The following ZBTB2 variants were observed in gnomAD, a reference collection of about 807,000 sequenced individuals.
ZBTB2 encodes zinc finger and BTB domain-containing protein 2.
Under a neutral mutation model 39.5 loss-of-function variants are expected in ZBTB2, and 2 were observed. That is an observed-to-expected ratio of 0.05 (90% CI 0.02 to 0.16). The LOEUF (loss-of-function observed/expected upper bound fraction) is 0.16. ZBTB2 is among the 10% of genes least tolerant of loss of function. ZBTB2 has a pLI of 1.00. For synonymous variants in ZBTB2, 251 were observed against 256.6 expected (o/e 0.98, Z 0.21); for missense variants, 391 against 653.0 (o/e 0.60, Z 4.37).
intron 1 of ZBTB2, among the ~76,000 whole-genome samples, chr6:151,374,097 G>C (rs1368253943): frequency 6.6e-6 from 1 of 151,906 alleles, no homozygotes. Context: ...AAATTCTAAT[G>C]ATGCATCAGA....
chr6:151,391,262 C>T (rs914862260), intron 1 of ZBTB2, among the ~76,000 whole-genome samples, 158 bp downstream of exon 1: 10 of 151,866 alleles, frequency 6.6e-5, no homozygotes, highest in Admixed American at 2.0e-4. Flanking sequence ...CACCCGTAGC[C>T]CTGGTACGAG....
chr6:151,367,007 A>T, intron 2 of ZBTB2, 115 bp from the exon 3 acceptor site: 1 of 1,118,012 alleles, frequency 8.9e-7, no homozygotes, highest in Non-Finnish European at 1.2e-6. Context: ...CCTATCCTTG[A>T]TTTTTAGTAA....
chr6:151,388,266 G>T (rs547438104), intron 1 of ZBTB2, among the ~76,000 whole-genome samples: 1 of 152,264 alleles, frequency 6.6e-6, no homozygotes, highest in Admixed American at 6.5e-5. Context: ...CTGGTGCCAC[G>T]GGACTTGCCC....
intron 1 of ZBTB2, among the ~76,000 whole-genome samples, chr6:151,376,324 A>G (rs1562767687): frequency 6.6e-6 from 1 of 152,228 alleles, no homozygotes; most frequent in African/African-American, 2.4e-5. Flanking sequence ...ATCCATAATG[A>G]GAACTTGATA....
intron 1 of ZBTB2, among the ~76,000 whole-genome samples, 199 bp downstream of exon 1, chr6:151,391,221 C>A (rs1330690429): frequency 1.3e-5 from 2 of 151,746 alleles, no homozygotes; most frequent in South Asian, 4.2e-4. Flanking sequence ...AGAACCGGGT[C>A]CCCGAGTGGC....
chr6:151,385,100 G>C (rs1779124458), intron 1 of ZBTB2, among the ~76,000 whole-genome samples: 1 of 152,262 alleles, frequency 6.6e-6, no homozygotes, highest in Non-Finnish European at 1.5e-5. Context: ...AGAATAGTGA[G>C]CTGAGAGGAA....
At chr6:151,382,802 C>T (rs761015526) in intron 1 of ZBTB2, among the ~76,000 whole-genome samples, 3 of 151,568 alleles carry the variant, frequency 2.0e-5, no homozygotes, top group Non-Finnish European at 4.4e-5. Flanking sequence ...GTGATCCACC[C>T]GCTCGGCCTC....
chr6:151,377,747 G>A (rs1778949798), intron 1 of ZBTB2, among the ~76,000 whole-genome samples: 1 of 151,988 alleles, frequency 6.6e-6, no homozygotes, highest in Admixed American at 6.6e-5. Context: ...TGTTAGCCAG[G>A]ACAGTCTTGA....
intron 1 of ZBTB2, among the ~76,000 whole-genome samples, chr6:151,375,914 T>TA (rs1327922306): frequency 1.3e-5 from 2 of 152,180 alleles, no homozygotes; most frequent in Admixed American, 1.3e-4. Flanking sequence ...GAAACCAGTC[T>TA]ACCCAATTTC....
chr6:151,379,637 G>GAAAAAA (rs61085296), intron 1 of ZBTB2, among the ~76,000 whole-genome samples: 267 of 65,478 alleles, frequency 4.1e-3, no homozygotes, highest in East Asian at 0.01. Flanking sequence ...GACCCTGTCT[G>GAAAAAA]AAAAAAAAAA....
intron 1 of ZBTB2, among the ~76,000 whole-genome samples, chr6:151,381,242 C>G (rs192712671): frequency 6.8e-4 from 103 of 152,292 alleles, no homozygotes; most frequent in African/African-American, 2.4e-3. Flanking sequence ...TCCTGTGGGC[C>G]GGGCACAGTG....
At chr6:151,372,390 G>A (rs1410164878) in intron 2 of ZBTB2, among the ~76,000 whole-genome samples, 1 of 152,092 alleles carries the variant, frequency 6.6e-6, no homozygotes, top group Admixed American at 6.6e-5. Flanking sequence ...CGAGGACCTC[G>A]ATTACCCTTT....
rs147427811 is a variant in ZBTB2 at position 151,387,848 on chromosome 6, T to C, written c.-13+3572A>G. On this transcript the variant is annotated intron_variant, in intron 1 of 2. Coordinates refer to ENST00000325144, the MANE Select transcript of ZBTB2 (RefSeq NM_020861.3). ...AGTTGGCTTCTAAAATGGATCTACA[T>C]ATGTTGGGCTGCCAACTCCTTGTAA... 7.9e-5 allele frequency among the ~76,000 whole-genome samples: 12 copies of C among 152,292 alleles called. No homozygotes were observed. The South Asian group carries it at 1.9e-3, about 24-fold the overall frequency.
chr6:151,369,053 G>T (rs1194699878), intron 2 of ZBTB2, among the ~76,000 whole-genome samples: 1 of 152,116 alleles, frequency 6.6e-6, no homozygotes, highest in Non-Finnish European at 1.5e-5. Flanking sequence ...ATGAACCACC[G>T]CGCCTGGCTG....
At chr6:151,367,361 T>G (rs569605333) in intron 2 of ZBTB2, among the ~76,000 whole-genome samples, 1 of 152,214 alleles carries the variant, frequency 6.6e-6, no homozygotes, top group South Asian at 2.1e-4. Context: ...CCTCAAGTGA[T>G]CAGCCCTCCT....
At chr6:151,385,919 T>C (rs921582270) in intron 1 of ZBTB2, among the ~76,000 whole-genome samples, 1 of 152,220 alleles carries the variant, frequency 6.6e-6, no homozygotes, top group Non-Finnish European at 1.5e-5. Context: ...GGCATTTTTT[T>C]CTTAACATTT....
intron 1 of ZBTB2, among the ~76,000 whole-genome samples, chr6:151,388,361 C>T (rs1290722333): frequency 3.3e-5 from 5 of 152,158 alleles, no homozygotes. Context: ...GGGCAGTTCC[C>T]ACCTCTAAAG....
At chr6:151,369,961 AATGTACATTTCAGCC>A (rs1411498752) in intron 2 of ZBTB2, 2 of 252,030 alleles carry the variant, frequency 7.9e-6, no homozygotes, top group African/African-American at 4.6e-5. Flanking sequence ...AAAGTTCCTT[AATGTACATTTCAGCC>A]ATCTCCATCC....
At chr6:151,387,322 C>A (rs1157884779) in intron 1 of ZBTB2, among the ~76,000 whole-genome samples, 1 of 151,960 alleles carries the variant, frequency 6.6e-6, no homozygotes, top group East Asian at 1.9e-4. Flanking sequence ...AAAATATCGG[C>A]TCACTGAATT....
Sources: gnomAD v4.1 joint callset for allele counts (sites outside exome capture counted in the v4.1 genomes callset) on GRCh38, gnomAD v4.1.1 for gene constraint, MANE v1.5 for transcripts, NCBI Gene and HGNC (gene_info 2026-07-23, HGNC 2026-07-21) for gene names.